The following HTR1D variants were observed in gnomAD, a reference collection of about 807,000 sequenced individuals.
HTR1D encodes 5-HT-1D.
HTR1D carries 18 observed loss-of-function variants against 21.1 expected under a neutral mutation model. The ratio of observed to expected loss-of-function variants is 0.85; its 90% CI spans 0.59 to 1.27. The LOEUF (loss-of-function observed/expected upper bound fraction) is 1.27. Among genes scored for constraint, HTR1D ranks in the 50% most tolerant of loss-of-function variants. The pLI is 0.00. For synonymous variants in HTR1D, 196 were observed against 204.4 expected (o/e 0.96, Z 0.35); for missense variants, 456 against 481.4 (o/e 0.95, Z 0.49).
intron 1 of HTR1D, among the ~76,000 whole-genome samples, chr1:23,203,571 T>C (rs1011021973): frequency 6.6e-6 from 1 of 152,148 alleles, no homozygotes; most frequent in Non-Finnish European, 1.5e-5. Flanking sequence ...GTGGGAGAAC[T>C]GCTTGAGCCC....
intron 1 of HTR1D, among the ~76,000 whole-genome samples, chr1:23,214,425 ATCATTCAT>A (rs142572853): frequency 1.5e-4 from 23 of 151,814 alleles, no homozygotes; most frequent in African/African-American, 3.9e-4. Context: ...AGACTCTGTC[ATCATTCAT>A]TCATTCATTC....
chr1:23,212,405 C>T (rs1005729850), intron 1 of HTR1D, among the ~76,000 whole-genome samples: 4 of 152,206 alleles, frequency 2.6e-5, no homozygotes, highest in Non-Finnish European at 4.4e-5. Context: ...TACCATCCAG[C>T]TCCAACTTCA....
chr1:23,205,762 G>C (rs1218414126), intron 1 of HTR1D, among the ~76,000 whole-genome samples: 3 of 152,032 alleles, frequency 2.0e-5, no homozygotes, highest in Non-Finnish European at 4.4e-5. Context: ...GGCTGGTCTC[G>C]AACTCCTGAC....
At chr1:23,215,106 T>G (rs1644767946) in intron 1 of HTR1D, among the ~76,000 whole-genome samples, 1 of 152,174 alleles carries the variant, frequency 6.6e-6, no homozygotes, top group Non-Finnish European at 1.5e-5. Context: ...CAGTGTCAAC[T>G]GCTGCTGAGA....
chr1:23,195,565 A>G (rs1644685602), intron 1 of HTR1D, among the ~76,000 whole-genome samples: 1 of 152,148 alleles, frequency 6.6e-6, no homozygotes, highest in Non-Finnish European at 1.5e-5. Flanking sequence ...CAGTCTCCCA[A>G]GTAGCTGGGA....
chr1:23,193,905 G>T lies in HTR1D; in HGVS notation c.315C>A (p.Asn105Lys), dbSNP rs778700932. The change falls in exon 2 of 2, where the codon AAC becomes AAA. Residue 105 changes from asparagine to lysine, a missense_variant. By Grantham distance (94) the Asn-to-Lys change is moderately conservative. Coordinates refer to ENST00000374619, the MANE Select transcript of HTR1D (RefSeq NM_000864.5). The stretch of plus-strand genomic sequence containing the variant: ...AGATGTCACACAAGATTTGGCCAAA[G>T]TTCCAGGTGTGGGTGATGGTATAGG... ...SIAYTITHTW[N>K]FGQILCDIWL... The T allele has an allele frequency of 3.7e-6, 6 of 1,614,140 alleles. No individual in the cohort carries two copies. In the Admixed American group the frequency reaches 6.7e-5, roughly 18 times the overall value.
chr1:23,209,843 C>G (rs1161918824), intron 1 of HTR1D, among the ~76,000 whole-genome samples: 1 of 152,112 alleles, frequency 6.6e-6, no homozygotes, highest in Non-Finnish European at 1.5e-5. Flanking sequence ...TTCTTTCTTT[C>G]CACAAATACC....
chr1:23,208,032 G>A (rs1644738719), intron 1 of HTR1D, among the ~76,000 whole-genome samples: 1 of 152,068 alleles, frequency 6.6e-6, no homozygotes, highest in South Asian at 2.1e-4. Flanking sequence ...CAAAGTGCTG[G>A]GATTATAGGC....
rs531007173 is a variant in HTR1D, at chr1:23,192,904, C to A, written c.*182G>T. ...ATCTTCAGTCCTGCCCCCCGCCCCC[C>A]ACCACCCACAGCTCTTTCAGAAGTT... is the stretch of plus-strand genomic sequence containing the variant. On this transcript the variant is annotated 3_prime_UTR_variant, in exon 2 of 2. Coordinates refer to ENST00000374619, the MANE Select transcript of HTR1D (RefSeq NM_000864.5). The A allele has an allele frequency of 1.4e-3, 488 of 341,332 alleles. 9 individuals are homozygous for A. Among genetic ancestry groups the A allele is most frequent in the Admixed American group, 4.9e-3 (108 of 22,236 alleles). The allele number at this position is 341,332 out of a possible 1,614,324, so 21.1% of individuals were successfully genotyped here.
chr1:23,199,096 G>A (rs1644700406), intron 1 of HTR1D, among the ~76,000 whole-genome samples: 1 of 151,998 alleles, frequency 6.6e-6, no homozygotes, highest in African/African-American at 2.4e-5. Context: ...CAAAGTGCTG[G>A]GATTATAGGC....
In HTR1D at chr1:23,193,471, C is replaced by A. The variant is rs765435311; in HGVS notation, c.749G>T (p.Gly250Val). 20 of 1,613,986 alleles carry A rather than the reference C, an allele frequency of 1.2e-5. No individual in the cohort carries two copies. The highest frequency in any genetic ancestry group is 2.7e-5 in the African/African-American group (2 of 74,916). ...TTAHLITGSAGSSLCSLNSSL... is the reference protein window; with the variant it reads ...TTAHLITGSAVSSLCSLNSSL... Reference sequence around the variant, plus strand: ...GGAGTTGAGCGAGCAGAGCGAGGACCCGGCAGAGCCTGTGATGAGGTGGGC... The same window carrying A: ...GGAGTTGAGCGAGCAGAGCGAGGACACGGCAGAGCCTGTGATGAGGTGGGC... The change falls in exon 2 of 2, where the codon GGG becomes GTG. Residue 250 changes from glycine (G) to valine (V), a missense_variant. Coordinates refer to ENST00000374619, the MANE Select transcript of HTR1D (RefSeq NM_000864.5).
At chr1:23,216,738 C>T (rs1297958497) in intron 1 of HTR1D, among the ~76,000 whole-genome samples, 1 of 152,222 alleles carries the variant, frequency 6.6e-6, no homozygotes, top group Non-Finnish European at 1.5e-5. Flanking sequence ...TGAGAGAATG[C>T]CCCTCTATTT....
chr1:23,207,803 CA>C (rs1165144570), intron 1 of HTR1D, among the ~76,000 whole-genome samples: 17 of 146,340 alleles, frequency 1.2e-4, no homozygotes, highest in African/African-American at 4.3e-4. Context: ...GCTCTGTCAC[CA>C]AGACTGGAGT....
chr1:23,199,415 CTTTTTTTTT>C (rs71020483), intron 1 of HTR1D, among the ~76,000 whole-genome samples: 3 of 46,296 alleles, frequency 6.5e-5, no homozygotes, highest in Non-Finnish European at 1.1e-4. Context: ...CATGTGTGGT[CTTTTTTTTT>C]TTTTTTTTTT....
chr1:23,215,666 C>T (rs1644771051), intron 1 of HTR1D, among the ~76,000 whole-genome samples: 2 of 152,210 alleles, frequency 1.3e-5, no homozygotes. Flanking sequence ...AGTGGTCCCG[C>T]CCTCATTATT....
At chr1:23,204,062 G>A (rs1644720154) in intron 1 of HTR1D, among the ~76,000 whole-genome samples, 1 of 152,074 alleles carries the variant, frequency 6.6e-6, no homozygotes, top group African/African-American at 2.4e-5. Flanking sequence ...CACCATGATT[G>A]TGAGGCCTCC....
chr1:23,201,376 G>C (rs775980920), intron 1 of HTR1D, among the ~76,000 whole-genome samples: 4 of 152,138 alleles, frequency 2.6e-5, no homozygotes, highest in Non-Finnish European at 5.9e-5. Flanking sequence ...CCTGGGAGAG[G>C]AGAATGAAGG....
chr1:23,212,853 G>C (rs1644759029), intron 1 of HTR1D, among the ~76,000 whole-genome samples: 1 of 149,518 alleles, frequency 6.7e-6, no homozygotes, highest in African/African-American at 2.5e-5. Context: ...TAAGACGGGA[G>C]TCTCACTCTG....
At chr1:23,198,879 T>C (rs1191889597) in intron 1 of HTR1D, among the ~76,000 whole-genome samples, 1 of 152,144 alleles carries the variant, frequency 6.6e-6, no homozygotes, top group Non-Finnish European at 1.5e-5. Flanking sequence ...AGGAATATAA[T>C]CATAAAGGGT....
Sources: allele counts gnomAD v4.1 joint callset (sites outside exome capture counted in the v4.1 genomes callset), GRCh38; gene constraint gnomAD v4.1.1; transcripts MANE v1.5; gene names NCBI Gene and HGNC (gene_info 2026-07-23, HGNC 2026-07-21).